GLOD4: variants seen among roughly 807,000 people sequenced by gnomAD.
GLOD4 encodes the protein glyoxalase domain containing 4.
GLOD4 carries 44 observed loss-of-function variants against 39.1 expected under a neutral mutation model. The observed-to-expected ratio is 1.13, with a 90% CI of 0.88 to 1.45. GLOD4 has a LOEUF of 1.45. Ranked by LOEUF, GLOD4 falls within the 40% of genes most tolerant of loss-of-function variation. The pLI, the probability that GLOD4 is intolerant of heterozygous loss-of-function variation, is 0.00. For missense variants in GLOD4, 405 were observed against 366.4 expected (o/e 1.11, Z -0.86); for synonymous variants, 145 against 135.0 (o/e 1.07, Z -0.52).
At chr17:777,982 CTTGA>C (rs1909241059) in intron 2 of GLOD4, among the ~76,000 whole-genome samples, 1 of 152,126 alleles carries the variant, frequency 6.6e-6, no homozygotes, top group South Asian at 2.1e-4. Context: ...CTCTATTAGG[CTTGA>C]ACAATGAGAC....
intron 5 of GLOD4, 117 bp from the exon 6 acceptor site, chr17:770,624 C>T: frequency 3.0e-6 from 2 of 656,272 alleles, no homozygotes; most frequent in South Asian, 3.6e-5. Flanking sequence ...AGTCTCTATC[C>T]TACTCTCACC....
At chr17:762,142 A>G (rs1019349537) in intron 8 of GLOD4, among the ~76,000 whole-genome samples, 4 of 152,268 alleles carry the variant, frequency 2.6e-5, no homozygotes, top group Non-Finnish European at 5.9e-5. Context: ...GATAGGCAGA[A>G]GACATTTCAG....
At chr17:779,180 T>C (rs1909437850) in intron 1 of GLOD4, among the ~76,000 whole-genome samples, 2 of 151,680 alleles carry the variant, frequency 1.3e-5, no homozygotes, top group Non-Finnish European at 2.9e-5. Context: ...CCAGGCGTGG[T>C]GGCGTGTGCT....
chr17:777,130 A>C (rs1396567117), intron 2 of GLOD4, 142 bp from the exon 3 acceptor site: 2 of 727,646 alleles, frequency 2.7e-6, no homozygotes, highest in Non-Finnish European at 4.7e-6. Context: ...CTCAGATGGT[A>C]CAGAAAGCAG....
intron 5 of GLOD4, 82 bp from the exon 6 acceptor site, chr17:770,589 T>C (rs1907785342): frequency 1.3e-6 from 1 of 763,978 alleles, no homozygotes; most frequent in African/African-American, 1.7e-5. Flanking sequence ...AAATATTATA[T>C]ACTAAAGGAA....
intron 8 of GLOD4, among the ~76,000 whole-genome samples, chr17:760,753 C>G (rs903402889): frequency 3.9e-5 from 6 of 152,188 alleles, no homozygotes; most frequent in African/African-American, 1.4e-4. Flanking sequence ...CCGGCCTACT[C>G]TTCTGATGTT....
upstream of GLOD4, chr17:782,549 G>A (rs751765819): frequency 3.1e-6 from 5 of 1,613,926 alleles, no homozygotes; most frequent in Non-Finnish European, 1.7e-6. Flanking sequence ...CTGGGAAGCA[G>A]CCCCGCAAGG....
intron 4 of GLOD4, among the ~76,000 whole-genome samples, chr17:774,920 T>C (rs1181095105): frequency 6.6e-5 from 10 of 151,554 alleles, no homozygotes. Flanking sequence ...AATACAAAAA[T>C]GAGCTGGGCG....
At chr17:761,958 G>T (rs1905523155) in intron 8 of GLOD4, among the ~76,000 whole-genome samples, 1 of 152,224 alleles carries the variant, frequency 6.6e-6, no homozygotes, top group Non-Finnish European at 1.5e-5. Flanking sequence ...AGGCAGGTGG[G>T]AAAGAAGGTC....
At chr17:764,527 A>G (rs2144289103) in intron 8 of GLOD4, 1 of 152,330 alleles carries the variant, frequency 6.6e-6, no homozygotes. Context: ...ACATCTATCT[A>G]CAAGAAGATT....
chr17:766,439 T>C (rs532684812), intron 8 of GLOD4, among the ~76,000 whole-genome samples: 66 of 150,524 alleles, frequency 4.4e-4, no homozygotes, highest in African/African-American at 1.6e-3. Flanking sequence ...CTACTAAAAA[T>C]ACAAAAATTA....
At chr17:762,136 G>A (rs150404085) in intron 8 of GLOD4, among the ~76,000 whole-genome samples, 317 of 152,306 alleles carry the variant, frequency 2.1e-3, no homozygotes, top group Non-Finnish European at 3.4e-3. Context: ...AAAGCTGATA[G>A]GCAGAAGACA....
intron 8 of GLOD4, among the ~76,000 whole-genome samples, chr17:765,727 A>G (rs903837383): frequency 6.7e-6 from 1 of 149,992 alleles, no homozygotes; most frequent in Non-Finnish European, 1.5e-5. Context: ...TACAGGTGTG[A>G]GCCACCGCAC....
intron 8 of GLOD4, chr17:764,256 A>T (rs1906048687): frequency 6.6e-6 from 1 of 152,226 alleles, no homozygotes; most frequent in Non-Finnish European, 1.5e-5. Flanking sequence ...AACATAAAAA[A>T]CATCAGCTGG....
chr17:779,320 A>C (rs1245292162), intron 1 of GLOD4, among the ~76,000 whole-genome samples: 3 of 2,584 alleles, frequency 1.2e-3, no homozygotes, highest in Non-Finnish European at 2.1e-3. Context: ...ATCTCAAATT[A>C]AAAAAAAAAA....
upstream of GLOD4, among the ~76,000 whole-genome samples, chr17:784,314 T>G (rs1356961635): frequency 2.0e-5 from 3 of 152,242 alleles, no homozygotes; most frequent in Non-Finnish European, 2.9e-5. Flanking sequence ...CTCAGAGCTC[T>G]TAGATCCTAG....
At chr17:783,762 C>T (rs1910378882), upstream of GLOD4, among the ~76,000 whole-genome samples, 1 of 152,152 alleles carries the variant, frequency 6.6e-6, no homozygotes, top group African/African-American at 2.4e-5. Flanking sequence ...ACCTGTGTAT[C>T]TTAGAGTATT....
chr17:782,608 A>G, upstream of GLOD4: 1 of 1,614,038 alleles, frequency 6.2e-7, no homozygotes, highest in Non-Finnish European at 8.5e-7. Context: ...CAACCGCTCG[A>G]GGAGTCCGCA....
Position 782,225 on chromosome 17 carries a change from A to G in GLOD4, c.31T>C (p.Phe11Leu). MAARRALHFV[F>L]KVGNRFQTAR... ...GTCTGGAAGCGGTTTCCCACTTTGA[A>G]TACGAAGTGCAGAGCTCTGCGAGCA... Residue 11 changes from phenylalanine to leucine, a missense_variant, in exon 1 of 9, where the codon TTC becomes CTC. Physicochemically the swap from Phe to Leu is conservative, Grantham distance 22. Transcript: ENST00000301329. 1 of 1,613,610 alleles carries G rather than the reference A, an allele frequency of 6.2e-7. No individual in the cohort carries two copies. The highest frequency in any genetic ancestry group is 1.1e-5 in the South Asian group (1 of 91,060).
Sources: gnomAD v4.1 joint callset for allele counts (sites outside exome capture counted in the v4.1 genomes callset) on GRCh38, gnomAD v4.1.1 for gene constraint, MANE v1.5 for transcripts, NCBI Gene and HGNC (gene_info 2026-07-23, HGNC 2026-07-21) for gene names.